The following ARMC6 variants were observed in gnomAD, a reference collection of about 807,000 sequenced individuals.
ARMC6 encodes armadillo repeat-containing protein 6.
ARMC6 carries 43 observed loss-of-function variants against 49.2 expected under a neutral mutation model. The ratio of observed to expected loss-of-function variants is 0.87; its 90% CI spans 0.69 to 1.13. The LOEUF (loss-of-function observed/expected upper bound fraction) is 1.13, where lower values mean the gene tolerates loss of function less well. Ranked by LOEUF, ARMC6 falls within the 50% of genes most tolerant of loss-of-function variation. The pLI, the probability that ARMC6 is intolerant of heterozygous loss-of-function variation, is 0.00. For synonymous variants in ARMC6, 262 were observed against 289.6 expected (o/e 0.90, Z 0.97); for missense variants, 627 against 682.0 (o/e 0.92, Z 0.90).
Position 19,057,634 on chromosome 19 carries a change from G to A in ARMC6, c.*6G>A. The A allele has an allele frequency of 6.2e-7, 1 of 1,611,158 alleles. No individual in the cohort carries two copies. The highest frequency in any genetic ancestry group is 8.5e-7 in the Non-Finnish European group (1 of 1,179,934). The stretch of plus-strand genomic sequence containing the variant: ...GGGGCAACCTGGCGCCATGACCCCA[G>A]GCCCAGTCTGGGCCGTGACTCTGGG... On this transcript the variant is annotated 3_prime_UTR_variant, in exon 9 of 9. Transcript: ENST00000535612.
At position 19,055,831 on chromosome 19, in the gene ARMC6, T is replaced by C. The variant is rs749985741; in HGVS notation, c.1196T>C (p.Leu399Pro). Reference sequence around the variant, plus strand: ...TGCGCGGCCCTGTGCTTCCTGGCCCTGCGTAAGCCCGACAACAGCCGCATC... The same window carrying C: ...TGCGCGGCCCTGTGCTTCCTGGCCCCGCGTAAGCCCGACAACAGCCGCATC... ...QSCAALCFLALRKPDNSRIIV... is the reference protein window; with the variant it reads ...QSCAALCFLAPRKPDNSRIIV... Residue 399 changes from leucine to proline, a missense_variant, in exon 8 of 9, where the codon CTG (leucine) becomes CCG (proline). Coordinates refer to ENST00000535612, the MANE Select transcript of ARMC6 (RefSeq NM_001199196.2). The surrounding 1 kb of genome is among the most constrained non-coding windows in gnomAD (Gnocchi z 5.7). The C allele has an allele frequency of 6.2e-7, 1 of 1,607,812 alleles. No individual in the cohort carries two copies. The highest frequency in any genetic ancestry group is 2.2e-5 in the East Asian group (1 of 44,734).
chr19:19,048,304 C>G (rs746696351), intron 4 of ARMC6, among the ~76,000 whole-genome samples: 1 of 152,082 alleles, frequency 6.6e-6, no homozygotes, highest in African/African-American at 2.4e-5. Flanking sequence ...CAAGATTGCA[C>G]CATTGCACTC....
At position 19,033,934 on chromosome 19, in the gene ARMC6, A is replaced by C; in HGVS notation, c.-80+4A>C. On this transcript the variant is annotated splice_donor_region_variant and intron_variant, in intron 1 of 8. Transcript: ENST00000535612. ...CCCACGTGGCCGCGAAGACCGGGTG[A>C]GACGCTGCGGCTGCCGAGGCCTGTC... The C allele has an allele frequency of 2.2e-6, 1 of 452,186 alleles. No homozygotes were observed. The highest frequency in any genetic ancestry group is 4.0e-6 in the Non-Finnish European group (1 of 251,164). The allele number at this position is 452,186 out of a possible 1,614,324, so 28.0% of individuals were successfully genotyped here.
chr19:19,051,375 C>CTGTGTGTGTGTG (rs35164662), intron 4 of ARMC6, among the ~76,000 whole-genome samples: 1,667 of 139,708 alleles, frequency 0.012, 37 homozygotes, highest in African/African-American at 0.038. Context: ...CTCTCTCTCT[C>CTGTGTGTGTGTG]TGTGTGTGTG....
At chr19:19,044,120 T>C (rs766696438) in intron 4 of ARMC6, 46 bp downstream of exon 4, 15 of 1,551,604 alleles carry the variant, frequency 9.7e-6, no homozygotes, top group Non-Finnish European at 1.3e-5. Flanking sequence ...CACCTCTGTC[T>C]GGGGGCACCT....
intron 4 of ARMC6, among the ~76,000 whole-genome samples, chr19:19,046,782 A>G (rs1363954050): frequency 6.6e-6 from 1 of 152,094 alleles, no homozygotes; most frequent in Non-Finnish European, 1.5e-5. Context: ...GGCATGAGCC[A>G]CTATGCCCAG....
At chr19:19,048,907 GATGATCAGTT>G (rs1177366919) in intron 4 of ARMC6, among the ~76,000 whole-genome samples, 4 of 152,026 alleles carry the variant, frequency 2.6e-5, no homozygotes, top group African/African-American at 9.7e-5. Flanking sequence ...AAAGTCTTAC[GATGATCAGTT>G]ATGTCTGACT....
Position 19,043,989 on chromosome 19 carries a change from CA to C in ARMC6, c.197-2del. ...GTGTGCTTGCTTCCCCCACCCCCAA[CA>C]GGGGTTGATCTGAGCAACATTGTAA... On this transcript the variant is annotated splice_acceptor_variant, in intron 3 of 8. Coordinates refer to ENST00000535612, the MANE Select transcript of ARMC6 (RefSeq NM_001199196.2). LOFTEE classifies it high-confidence loss of function. 3 of 1,613,878 alleles carry C rather than the reference CA, an allele frequency of 1.9e-6. No individual in the cohort carries two copies. The highest frequency in any genetic ancestry group is 1.7e-6 in the Non-Finnish European group (2 of 1,179,800).
chr19:19,033,662 G>C lies in ARMC6; in HGVS notation c.-348G>C. ...CTTCTTCTGGGCGGACGCTCTGGAG[G>C]CAAAACATTTCCCTGCTGGGGGCGG... On this transcript the variant is annotated 5_prime_UTR_variant, in exon 1 of 9. Coordinates refer to ENST00000535612, the MANE Select transcript of ARMC6 (RefSeq NM_001199196.2). 1 of 730,496 alleles carries C rather than the reference G, an allele frequency of 1.4e-6. No individual in the cohort carries two copies. The highest frequency in any genetic ancestry group is 1.8e-6 in the Non-Finnish European group (1 of 555,756). The allele number at this position is 730,496 out of a possible 1,614,324, so 45.3% of individuals were successfully genotyped here.
chr19:19,050,103 C>T (rs888694994), intron 4 of ARMC6, among the ~76,000 whole-genome samples: 6 of 152,168 alleles, frequency 3.9e-5, no homozygotes, highest in Admixed American at 3.3e-4. Context: ...AGCGTAATGT[C>T]CTCAAGGTAT....
intron 4 of ARMC6, among the ~76,000 whole-genome samples, chr19:19,044,736 G>A (rs1004079): frequency 0.051 from 7,836 of 152,272 alleles, 241 homozygotes; most frequent in Middle Eastern, 0.11. Flanking sequence ...ACACCTGCAA[G>A]GCTGGGATTT....
chr19:19,049,308 C>T (rs879912849), intron 4 of ARMC6, among the ~76,000 whole-genome samples: 4 of 152,058 alleles, frequency 2.6e-5, no homozygotes, highest in Non-Finnish European at 5.9e-5. Flanking sequence ...CCTGCCTTGG[C>T]CTCCCAAAGT....
intron 2 of ARMC6, among the ~76,000 whole-genome samples, chr19:19,039,049 A>G (rs940729362): frequency 1.3e-5 from 2 of 152,116 alleles, no homozygotes; most frequent in African/African-American, 4.8e-5. Context: ...GTCATTGCTC[A>G]GTTCTTTTTG....
rs866708816 is a variant in ARMC6 at position 19,057,750 on chromosome 19, G to A, written c.*122G>A. 3.6e-6 allele frequency: 4 copies of A among 1,100,746 alleles called. No homozygotes were observed. The East Asian group carries it at 9.6e-5, about 26-fold the overall frequency. The allele number at this position is 1,100,746 out of a possible 1,614,324, so 68.2% of individuals were successfully genotyped here. On this transcript the variant is annotated 3_prime_UTR_variant, in exon 9 of 9. Coordinates refer to ENST00000535612, the MANE Select transcript of ARMC6 (RefSeq NM_001199196.2). ...CCTTCACAATGAGAAGTGTTTTCTG[G>A]CAGGCCCTAGGTAAAGGGTCGGGGG... is the stretch of plus-strand genomic sequence containing the variant.
chr19:19,034,128 C>T lies in ARMC6; in HGVS notation c.-79-3C>T, dbSNP rs950644533. On this transcript the variant is annotated splice_region_variant and splice_polypyrimidine_tract_variant and intron_variant, in intron 1 of 8. Coordinates refer to ENST00000535612, the MANE Select transcript of ARMC6 (RefSeq NM_001199196.2). ...TTTTCATTCATTTTATTTATTCATT[C>T]AGCACCTGTGCACTGAGTGCCTGCT... 1.1e-6 allele frequency: 1 copy of T among 887,364 alleles called. No individual in the cohort carries two copies. The allele number at this position is 887,364 out of a possible 1,614,324, so 55.0% of individuals were successfully genotyped here. A position where few individuals can be genotyped will look rare whatever the true frequency, so the allele number is the denominator to read the frequency against.
rs11270900 is a variant in ARMC6, at chr19:19,045,493, C to CTTTTTTTTTTTTTTTTTTTTTTTTTTTT, written c.279+1430_279+1431insTTTTTTTTTTTTTTTTTTTTTTTTTTTT. Among the ~76,000 whole-genome samples, 10 of 89,128 alleles carry CTTTTTTTTTTTTTTTTTTTTTTTTTTTT rather than the reference C, an allele frequency of 1.1e-4. 2 individuals are homozygous for CTTTTTTTTTTTTTTTTTTTTTTTTTTTT. Among genetic ancestry groups the CTTTTTTTTTTTTTTTTTTTTTTTTTTTT allele is most frequent in the African/African-American group, 2.4e-4 (5 of 20,900 alleles). The allele number at this position is 89,128 out of a possible 152,430, so 58.5% of individuals were successfully genotyped here. A position where few individuals can be genotyped will look rare whatever the true frequency, so the allele number is the denominator to read the frequency against. On this transcript the variant is annotated intron_variant, in intron 4 of 8. Coordinates refer to ENST00000535612, the MANE Select transcript of ARMC6 (RefSeq NM_001199196.2). ...TAAGTGCTCAGCATTATGCTAAATT[C>CTTTTTTTTTTTTTTTTTTTTTTTTTTTT]TTTTTTTTTTTGAGACAAGAGTCTC... is the stretch of plus-strand genomic sequence containing the variant.
chr19:19,040,841 T>A (rs755625379), intron 2 of ARMC6: 10 of 378,934 alleles, frequency 2.6e-5, no homozygotes, highest in Non-Finnish European at 2.7e-5. Context: ...TGTACTGGAT[T>A]TTTTTTTAAT....
At chr19:19,036,463 C>T (rs1023876293) in intron 2 of ARMC6, among the ~76,000 whole-genome samples, 1 of 152,190 alleles carries the variant, frequency 6.6e-6, no homozygotes, top group African/African-American at 2.4e-5. Context: ...GATCACCTGT[C>T]AATTTACATT....
chr19:19,046,536 C>T (rs1010380532), intron 4 of ARMC6, among the ~76,000 whole-genome samples: 3 of 151,540 alleles, frequency 2.0e-5, no homozygotes, highest in Non-Finnish European at 4.4e-5. Context: ...ACTCTGTTGG[C>T]CAGGCTGGAG....
Sources: allele counts gnomAD v4.1 joint callset (sites outside exome capture counted in the v4.1 genomes callset), GRCh38; gene constraint gnomAD v4.1.1; non-coding constraint Gnocchi (gnomAD v3.1); transcripts MANE v1.5; gene names NCBI Gene and HGNC (gene_info 2026-07-23, HGNC 2026-07-21).